The following RALYL variants were observed in gnomAD, a reference collection of about 807,000 sequenced individuals.
The protein encoded by RALYL is RNA-binding Raly-like protein.
A neutral mutation model predicts 35.1 loss-of-function variants in RALYL; 29 were observed. The observed-to-expected ratio is 0.83, with a 90% CI of 0.61 to 1.13. The LOEUF (loss-of-function observed/expected upper bound fraction) is 1.13. RALYL is among the 50% of genes most tolerant of loss of function. The probability of loss-of-function intolerance (pLI) is 0.00; values close to 1 mark genes in which losing one functional copy is unlikely to be tolerated. For synonymous variants in RALYL, 120 were observed against 127.6 expected (o/e 0.94, Z 0.40); for missense variants, 359 against 360.4 (o/e 1.00, Z 0.03).
At chr8:84,464,133 T>C (rs542301052) in intron 1 of RALYL, among the ~76,000 whole-genome samples, 1 of 103,554 alleles carries the variant, frequency 9.7e-6, no homozygotes, top group Non-Finnish European at 2.1e-5. Flanking sequence ...TAAAACAAGT[T>C]TTTTTTTTGT....
At chr8:84,669,497 C>G (rs1307143244) in intron 2 of RALYL, among the ~76,000 whole-genome samples, 1 of 100,546 alleles carries the variant, frequency 9.9e-6, no homozygotes, top group South Asian at 4.9e-4. Context: ...TCCCCCCCCC[C>G]CCACTCTATT....
At chr8:84,601,663 G>A (rs370539326) in intron 2 of RALYL, among the ~76,000 whole-genome samples, 3 of 151,700 alleles carry the variant, frequency 2.0e-5, no homozygotes, top group East Asian at 3.9e-4. Context: ...CCTTGGCTCA[G>A]TTGAGTTGTG....
At chr8:84,861,017 T>C (rs1423674662) in intron 5 of RALYL, among the ~76,000 whole-genome samples, 2 of 152,190 alleles carry the variant, frequency 1.3e-5, no homozygotes, top group Non-Finnish European at 2.9e-5. Context: ...TTTTCATCTG[T>C]ATGTATAAAC....
At chr8:84,359,103 T>A (rs1275934992) in intron 1 of RALYL, among the ~76,000 whole-genome samples, 2 of 152,178 alleles carry the variant, frequency 1.3e-5, no homozygotes, top group Non-Finnish European at 2.9e-5. Context: ...TGAATCCATT[T>A]TACTAAAATT....
intron 1 of RALYL, among the ~76,000 whole-genome samples, chr8:84,347,016 G>C (rs1277801210): frequency 2.0e-5 from 3 of 151,856 alleles, no homozygotes; most frequent in Non-Finnish European, 2.9e-5. Flanking sequence ...CGGCCAATGT[G>C]GTGAAACCTC....
At chr8:84,233,677 A>C (rs370802889) in intron 1 of RALYL, among the ~76,000 whole-genome samples, 1 of 152,192 alleles carries the variant, frequency 6.6e-6, no homozygotes, top group South Asian at 2.1e-4. Flanking sequence ...ATCAGTACTC[A>C]CCAAGTCCTA....
chr8:84,480,192 G>T (rs1198865226), intron 1 of RALYL, among the ~76,000 whole-genome samples: 1 of 152,004 alleles, frequency 6.6e-6, no homozygotes, highest in Non-Finnish European at 1.5e-5. Flanking sequence ...AACTGATCAA[G>T]AAATATCTAT....
chr8:84,871,943 T>C (rs185941006), intron 6 of RALYL, among the ~76,000 whole-genome samples: 10 of 152,290 alleles, frequency 6.6e-5, no homozygotes, highest in African/African-American at 2.4e-4. Context: ...TTTTTGTTTT[T>C]TTATTTTTTC....
intron 1 of RALYL, among the ~76,000 whole-genome samples, chr8:84,523,502 T>C (rs923339780): frequency 2.0e-5 from 3 of 151,440 alleles, no homozygotes; most frequent in African/African-American, 4.9e-5. Context: ...TGTTGTTTTT[T>C]ATTTTTTTAT....
intron 1 of RALYL, among the ~76,000 whole-genome samples, chr8:84,459,744 G>A (rs2050537712): frequency 6.6e-6 from 1 of 151,744 alleles, no homozygotes; most frequent in East Asian, 1.9e-4. Flanking sequence ...GGATAGTGGA[G>A]TAGAATGTTT....
At chr8:84,837,085 G>C (rs769094852) in intron 4 of RALYL, among the ~76,000 whole-genome samples, 45 of 152,228 alleles carry the variant, frequency 3.0e-4, no homozygotes, top group Non-Finnish European at 5.0e-4. Flanking sequence ...TTTGATCCCT[G>C]TGTCTCACTC....
chr8:84,238,003 C>T (rs13251156), intron 1 of RALYL, among the ~76,000 whole-genome samples: 9,107 of 110,632 alleles, frequency 0.082, 320 homozygotes, highest in Middle Eastern at 0.14. Flanking sequence ...AGTGCAAAAA[C>T]AAAACAAAAG....
chr8:84,558,752 A>G (rs990581329), intron 2 of RALYL, among the ~76,000 whole-genome samples: 2 of 152,148 alleles, frequency 1.3e-5, no homozygotes, highest in Non-Finnish European at 2.9e-5. Context: ...ATATGGATGT[A>G]GTTTTTCAAC....
chr8:84,855,236 G>C (rs1836732465), intron 5 of RALYL, among the ~76,000 whole-genome samples: 2 of 152,216 alleles, frequency 1.3e-5, no homozygotes, highest in African/African-American at 4.8e-5. Context: ...ACCTCCGGAA[G>C]TGTGGTTTTC....
intron 8 of RALYL, among the ~76,000 whole-genome samples, chr8:84,891,237 C>T (rs773004827): frequency 6.6e-6 from 1 of 152,102 alleles, no homozygotes; most frequent in Non-Finnish European, 1.5e-5. Context: ...AAGAGTAAGA[C>T]AGTTATGGAA....
intron 1 of RALYL, among the ~76,000 whole-genome samples, chr8:84,195,778 G>T (rs1815128172): frequency 6.6e-6 from 1 of 151,770 alleles, no homozygotes; most frequent in Admixed American, 6.6e-5. Context: ...CCAAGTGAGA[G>T]GAACAACAGC....
intron 8 of RALYL, among the ~76,000 whole-genome samples, chr8:84,893,625 G>T (rs1458780038): frequency 1.3e-5 from 2 of 152,136 alleles, no homozygotes; most frequent in Admixed American, 6.6e-5. Context: ...TTTTCCAAAG[G>T]AGAGTTTTTG....
At chr8:84,438,873 G>A (rs145724487) in intron 1 of RALYL, among the ~76,000 whole-genome samples, 2,521 of 151,962 alleles carry the variant, frequency 0.017, 69 homozygotes, top group African/African-American at 0.057. Context: ...TGTCAGTTTC[G>A]TCAAAGATCA....
intron 1 of RALYL, among the ~76,000 whole-genome samples, chr8:84,403,070 C>G (rs1048210180): frequency 1.3e-5 from 2 of 152,072 alleles, no homozygotes; most frequent in African/African-American, 2.4e-5. Context: ...AGCCCTTTAT[C>G]AGATGGATAG....
Sources: allele counts gnomAD v4.1 joint callset (sites outside exome capture counted in the v4.1 genomes callset), GRCh38; gene constraint gnomAD v4.1.1; transcripts MANE v1.5; gene names NCBI Gene and HGNC (gene_info 2026-07-23, HGNC 2026-07-21).